ANKHD1: variants seen among roughly 807,000 people sequenced by gnomAD.
ANKHD1 encodes ankyrin repeat and KH domain containing 1.
A neutral mutation model predicts 230.5 loss-of-function variants in ANKHD1; 31 were observed. That is an observed-to-expected ratio of 0.13 (90% CI 0.10 to 0.18). The LOEUF (loss-of-function observed/expected upper bound fraction) is 0.18, where lower values mean the gene tolerates loss of function less well. ANKHD1 is among the 10% of genes least tolerant of loss of function. The pLI is 1.00. For missense variants in ANKHD1, 2,256 were observed against 3,071.3 expected, an observed-to-expected ratio of 0.73 and a Z score of 6.27; for synonymous variants, 1,074 against 1,117.6, an observed-to-expected ratio of 0.96 and a Z score of 0.78.
chr5:140,491,024 ATTC>A (rs1023197989), intron 14 of ANKHD1, among the ~76,000 whole-genome samples: 3 of 146,850 alleles, frequency 2.0e-5, no homozygotes, highest in African/African-American at 7.5e-5. Context: ...TGATGTGTAT[ATTC>A]TTTTGTTCTT....
intron 1 of ANKHD1, among the ~76,000 whole-genome samples, chr5:140,434,325 C>G (rs1252735003): frequency 2.0e-5 from 3 of 151,368 alleles, no homozygotes; most frequent in African/African-American, 7.3e-5. Flanking sequence ...TGAAGAAGTA[C>G]TTAATCTTTC....
rs1201059487 is a variant in ANKHD1, at chr5:140,535,549, T to C, written c.7027+11T>C. The C allele has an allele frequency of 1.3e-6, 2 of 1,576,070 alleles. No homozygotes were observed. The highest frequency in any genetic ancestry group is 2.0e-5 in the Admixed American group (1 of 48,982). On this transcript the variant is annotated intron_variant, in intron 30 of 33. Transcript: ENST00000360839. ...GCGCCTCAAACTCATGTAGGAATCC[T>C]GGAGGAACTCTTCCCAAAGAGTTTT...
intron 1 of ANKHD1, among the ~76,000 whole-genome samples, chr5:140,423,536 T>C (rs1772159178): frequency 6.6e-6 from 1 of 152,228 alleles, no homozygotes; most frequent in Non-Finnish European, 1.5e-5. Context: ...CTGCTCCTTA[T>C]TATGTTCTGT....
At chr5:140,438,354 A>G (rs554688942) in intron 2 of ANKHD1, 107 bp from the exon 3 acceptor site, 1 of 1,410,872 alleles carries the variant, frequency 7.1e-7, no homozygotes, top group African/African-American at 1.4e-5. Flanking sequence ...ATTCTATACC[A>G]TTTCTTTTTC....
chr5:140,476,538 T>C (rs896269700), intron 10 of ANKHD1, among the ~76,000 whole-genome samples: 2 of 152,212 alleles, frequency 1.3e-5, no homozygotes, highest in Middle Eastern at 3.4e-3. Context: ...CAGAAGATGA[T>C]GGGAAGTAAT....
At position 140,458,647 on chromosome 5, in the gene ANKHD1, G is replaced by A. The variant is rs1489873763; in HGVS notation, c.1265G>A (p.Arg422His). ...ACMDGHVEVA[R>H]LLLDSGAQVN... The stretch of plus-strand genomic sequence containing the variant: ...CAGGATGGACATGTAGAGGTGGCAC[G>A]TTTGCTTTTGGATAGTGGTGCTCAA... The change falls in exon 8 of 34, where the codon CGT (arginine) becomes CAT (histidine). Residue 422 changes from arginine to histidine, a missense_variant. By Grantham distance (29) the Arg-to-His change is conservative (BLOSUM62 0). Around this residue, in one of 13 missense-constraint regions of ANKHD1, gnomAD observed 179 missense variants for 261.8 expected, o/e 0.68. Coordinates refer to ENST00000360839, the MANE Select transcript of ANKHD1 (RefSeq NM_017747.3). 9 of 1,589,834 alleles carry A rather than the reference G, an allele frequency of 5.7e-6. No individual in the cohort carries two copies. Among genetic ancestry groups the A allele is most frequent in the Admixed American group, 3.4e-5 (2 of 58,346 alleles).
chr5:140,522,673 A>G (rs569249703), intron 24 of ANKHD1, among the ~76,000 whole-genome samples: 2 of 152,308 alleles, frequency 1.3e-5, no homozygotes, highest in South Asian at 4.1e-4. Flanking sequence ...TCTCTGGAGC[A>G]TGTACCTATG....
At chr5:140,403,900 G>A (rs539748761) in intron 1 of ANKHD1, among the ~76,000 whole-genome samples, 1 of 152,316 alleles carries the variant, frequency 6.6e-6, no homozygotes, top group East Asian at 1.9e-4. Context: ...GTGGGTTACA[G>A]ACTGCAGTTA....
Position 140,507,743 on chromosome 5 carries a change from C to G in ANKHD1, c.3552-42C>G. The G allele has an allele frequency of 6.3e-7, 1 of 1,593,492 alleles. No homozygotes were observed. The highest frequency in any genetic ancestry group is 8.6e-7 in the Non-Finnish European group (1 of 1,165,738). On this transcript the variant is annotated intron_variant, in intron 19 of 33. Coordinates refer to ENST00000360839, the MANE Select transcript of ANKHD1 (RefSeq NM_017747.3). The surrounding 1 kb of genome is among the most constrained non-coding windows in gnomAD (Gnocchi z 4.1). Reference sequence around the variant, plus strand: ...TTTAATGCTTTTCTAAAATAATAGGCAACATATTATTTTAATTTTCTAAGC... The same window carrying G: ...TTTAATGCTTTTCTAAAATAATAGGGAACATATTATTTTAATTTTCTAAGC...
intron 7 of ANKHD1, among the ~76,000 whole-genome samples, chr5:140,451,768 A>G (rs768587016): frequency 1.3e-5 from 2 of 152,182 alleles, no homozygotes; most frequent in Admixed American, 6.5e-5. Context: ...TCAACTTCCC[A>G]AAGTGCTGGG....
chr5:140,497,134 G>T lies in ANKHD1; in HGVS notation c.2860G>T (p.Val954Leu). 6.2e-7 allele frequency: 1 copy of T among 1,614,142 alleles called. No homozygotes were observed. Among genetic ancestry groups the T allele is most frequent in the South Asian group, 1.1e-5 (1 of 91,082 alleles). ...GACAAATTCTCTTGAACTTCAGAAA[G>T]TATCAGGTAATCAGCAGATTGTAGG... ...NGTNSLELQK[V>L]SGNQQIVGQP... Residue 954 changes from valine (V) to leucine (L), a missense_variant, in exon 15 of 34, where the codon GTA (valine) becomes TTA (leucine). Physicochemically the swap from Val to Leu is conservative, Grantham distance 32. Coordinates refer to ENST00000360839, the MANE Select transcript of ANKHD1 (RefSeq NM_017747.3).
At chr5:140,411,961 C>T (rs752367583) in intron 1 of ANKHD1, among the ~76,000 whole-genome samples, 1 of 151,878 alleles carries the variant, frequency 6.6e-6, no homozygotes, top group East Asian at 1.9e-4. Flanking sequence ...TGGGCTCAAG[C>T]GATCCTCCCC....
chr5:140,514,774 C>T (rs1246037142), intron 24 of ANKHD1, among the ~76,000 whole-genome samples: 1 of 152,030 alleles, frequency 6.6e-6, no homozygotes, highest in African/African-American at 2.4e-5. Flanking sequence ...AGTTCGAGAC[C>T]AGGCTGGGCA....
At chr5:140,487,786 G>A (rs939898864) in intron 14 of ANKHD1, among the ~76,000 whole-genome samples, 2 of 152,174 alleles carry the variant, frequency 1.3e-5, no homozygotes, top group Non-Finnish European at 2.9e-5. Context: ...TTAAAACTAT[G>A]TAAAAACAAA....
At chr5:140,444,904 A>T (rs1030474516) in intron 5 of ANKHD1, among the ~76,000 whole-genome samples, 7 of 152,064 alleles carry the variant, frequency 4.6e-5, no homozygotes, top group African/African-American at 1.7e-4. Context: ...TCTTTATAAC[A>T]TATAGTCTTT....
intron 6 of ANKHD1, 146 bp from the exon 7 acceptor site, chr5:140,449,065 G>T: frequency 2.4e-6 from 2 of 838,456 alleles, no homozygotes; most frequent in East Asian, 3.0e-5. Flanking sequence ...AATGGGCTTT[G>T]TAAAACTGTT....
chr5:140,410,096 A>G (rs1479600345), intron 1 of ANKHD1, among the ~76,000 whole-genome samples: 1 of 151,512 alleles, frequency 6.6e-6, no homozygotes, highest in East Asian at 1.9e-4. Flanking sequence ...TCAAAGTAAT[A>G]TAAGGGCAGA....
At chr5:140,404,473 C>G (rs1770250081) in intron 1 of ANKHD1, among the ~76,000 whole-genome samples, 1 of 151,334 alleles carries the variant, frequency 6.6e-6, no homozygotes, top group Admixed American at 6.6e-5. Flanking sequence ...GCTCTTGTCA[C>G]CCAGGCTGGA....
chr5:140,458,124 C>G (rs1775356025), intron 7 of ANKHD1, among the ~76,000 whole-genome samples: 1 of 152,122 alleles, frequency 6.6e-6, no homozygotes, highest in African/African-American at 2.4e-5. Flanking sequence ...GTGACATAAT[C>G]CCAAGTGGTA....
Sources: allele counts gnomAD v4.1 joint callset (sites outside exome capture counted in the v4.1 genomes callset), GRCh38; gene constraint gnomAD v4.1.1; regional missense constraint gnomAD v4.1.1; non-coding constraint Gnocchi (gnomAD v3.1); transcripts MANE v1.5; gene names NCBI Gene and HGNC (gene_info 2026-07-23, HGNC 2026-07-21).